The following SNAP23 variants were observed in gnomAD, a reference collection of about 807,000 sequenced individuals.
SNAP23 encodes synaptosomal-associated protein 23.
In SNAP23, 11 loss-of-function variants were observed where a neutral mutation model predicts 29.0. The ratio of observed to expected loss-of-function variants is 0.38; its 90% confidence interval spans 0.24 to 0.63. SNAP23 has a LOEUF of 0.63. SNAP23 is among the 20% of genes least tolerant of loss of function. SNAP23 has a pLI of 0.58. For synonymous variants in SNAP23, 60 were observed against 82.9 expected, an observed-to-expected ratio of 0.72 and a Z score of 1.50; for missense variants, 220 against 253.9, an observed-to-expected ratio of 0.87 and a Z score of 0.91.
In SNAP23 at chr15:42,532,349, T is replaced by C. The variant is rs1261867945; in HGVS notation, c.*871T>C. On this transcript the variant is annotated 3_prime_UTR_variant, in exon 8 of 8. Coordinates refer to ENST00000249647, the MANE Select transcript of SNAP23 (RefSeq NM_003825.4). ...ATCCACCCGCCTTGGCCTCCCAAAG[T>C]ACTGGGATTACAGGCGTGAGCCACT... is the stretch of plus-strand genomic sequence containing the variant. The C allele has an allele frequency of 1.3e-5, 2 of 152,238 alleles. No homozygotes were observed. Among genetic ancestry groups the C allele is most frequent in the African/African-American group, 4.8e-5 (2 of 41,452 alleles). 9.4% of individuals were successfully genotyped at this position (152,238 alleles called of 1,614,324 possible).
chr15:42,511,523 G>A (rs2057357823), intron 1 of SNAP23, among the ~76,000 whole-genome samples: 1 of 152,126 alleles, frequency 6.6e-6, no homozygotes, highest in Admixed American at 6.5e-5. Context: ...GTCTTTTAAT[G>A]CTTGTCTTCC....
chr15:42,515,378 T>C (rs950476975), intron 5 of SNAP23, 24 bp downstream of exon 5: 1 of 1,468,590 alleles, frequency 6.8e-7, no homozygotes, highest in African/African-American at 1.4e-5. Flanking sequence ...TTAAGATGGT[T>C]TCAAAATAAG....
intron 7 of SNAP23, among the ~76,000 whole-genome samples, chr15:42,530,373 A>G (rs1051899376): frequency 7.9e-5 from 12 of 152,212 alleles, no homozygotes; most frequent in Admixed American, 7.9e-4. Flanking sequence ...TGAGTGAAAG[A>G]AAGTTGTGAT....
intron 1 of SNAP23, among the ~76,000 whole-genome samples, chr15:42,502,608 C>G (rs1033358289): frequency 6.6e-6 from 1 of 152,178 alleles, no homozygotes; most frequent in Admixed American, 6.5e-5. Flanking sequence ...TTCATTCAGG[C>G]AGGGTGAATC....
Position 42,529,675 on chromosome 15 carries a change from C to T in SNAP23, c.426C>T (p.Arg142=). Residue 142 remains arginine, a splice_region_variant and synonymous_variant, in exon 7 of 8, where the codon CGC becomes CGT. Transcript: ENST00000249647. ...GGAATTAACTGTCTTCTTGTGATAG[C>T]ATAACTAATGATGCCAGAGAAGATG... ...TGAASGGYIK[R]ITNDAREDEM... is the part of the protein sequence containing the mutation. 1 of 1,613,006 alleles carries T rather than the reference C, an allele frequency of 6.2e-7. No homozygotes were observed. Among genetic ancestry groups the T allele is most frequent in the Non-Finnish European group, 8.5e-7 (1 of 1,179,616 alleles).
chr15:42,515,814 A>G (rs1330861307), intron 5 of SNAP23, among the ~76,000 whole-genome samples: 1 of 152,224 alleles, frequency 6.6e-6, no homozygotes, highest in Non-Finnish European at 1.5e-5. Context: ...GCTAAATCTA[A>G]TGTTAGATTA....
rs1430557182 is a variant in SNAP23, at chr15:42,532,470, ATTCAGGAACAC to A, written c.*995_*1005del. 1 of 152,280 alleles carries A rather than the reference ATTCAGGAACAC, an allele frequency of 6.6e-6. No homozygotes were observed. The highest frequency in any genetic ancestry group is 1.9e-4 in the East Asian group (1 of 5,202). 9.4% of individuals were successfully genotyped at this position (152,280 alleles called of 1,614,324 possible). ...CTGTGATCCCATTTCTTATTGCACC[ATTCAGGAACAC>A]TTTATATAAATGAGTGGCTTTTTAT... On this transcript the variant is annotated 3_prime_UTR_variant, in exon 8 of 8. Transcript: ENST00000249647.
chr15:42,498,109 C>A (rs2057238912), intron 1 of SNAP23, among the ~76,000 whole-genome samples: 1 of 152,210 alleles, frequency 6.6e-6, no homozygotes, highest in African/African-American at 2.4e-5. Context: ...GTGCCTGAGG[C>A]TTTTCCAGGT....
upstream of SNAP23, among the ~76,000 whole-genome samples, chr15:42,494,532 G>A (rs972909526): frequency 4.0e-5 from 6 of 150,450 alleles, no homozygotes; most frequent in Admixed American, 2.0e-4. Context: ...TTTTTGTAGG[G>A]GGGACGGAAT....
chr15:42,518,564 C>T (rs1343171607), intron 5 of SNAP23, among the ~76,000 whole-genome samples: 1 of 151,296 alleles, frequency 6.6e-6, no homozygotes, highest in Non-Finnish European at 1.5e-5. Flanking sequence ...GGATTACAGG[C>T]ACATGCCACC....
rs764799240 is a variant in SNAP23, at chr15:42,513,291, C to G, written c.100-108C>G. ...ACTAGTTCTGTCTGTAGCTCTAATC[C>G]TCTGAGAGCTTGGGTTTCTAAATTA... On this transcript the variant is annotated intron_variant, in intron 3 of 7. Coordinates refer to ENST00000249647, the MANE Select transcript of SNAP23 (RefSeq NM_003825.4). 6 of 998,970 alleles carry G rather than the reference C, an allele frequency of 6.0e-6. No homozygotes were observed. The South Asian group carries it at 7.7e-5, about 13-fold the overall frequency. 61.9% of individuals were successfully genotyped at this position (998,970 alleles called of 1,614,324 possible).
Position 42,515,298 on chromosome 15 carries a change from G to C in SNAP23, c.210G>C (p.Glu70Asp). The change falls in exon 5 of 8, where the codon GAG (glutamate) becomes GAC (aspartate). Residue 70 changes from glutamate to aspartate, a missense_variant. Transcript: ENST00000249647. ...DQINKDMRET[E>D]KTLTELNKCC... ...TAAATAAGGACATGAGAGAGACAGA[G>C]AAGACTTTAACAGAACTCAACAAAT... 1 of 1,612,946 alleles carries C rather than the reference G, an allele frequency of 6.2e-7. No homozygotes were observed. Among genetic ancestry groups the C allele is most frequent in the Non-Finnish European group, 8.5e-7 (1 of 1,179,526 alleles).
intron 1 of SNAP23, among the ~76,000 whole-genome samples, chr15:42,504,558 A>G (rs2057302346): frequency 6.6e-6 from 1 of 152,208 alleles, no homozygotes; most frequent in South Asian, 2.1e-4. Context: ...CCTACTATTT[A>G]TTTCCACTTC....
rs2057577814 is a variant in SNAP23 at position 42,532,647 on chromosome 15, A to G, written c.*1169A>G. The G allele has an allele frequency of 6.6e-6, 1 of 152,624 alleles. No individual in the cohort carries two copies. The highest frequency in any genetic ancestry group is 1.5e-5 in the Non-Finnish European group (1 of 68,036). The allele number at this position is 152,624 out of a possible 1,614,324, so 9.5% of individuals were successfully genotyped here. On this transcript the variant is annotated 3_prime_UTR_variant, in exon 8 of 8. Coordinates refer to ENST00000249647, the MANE Select transcript of SNAP23 (RefSeq NM_003825.4). Reference sequence around the variant, plus strand: ...TAAAGCAGGGCTTAAAATTTTTTGGAAAAGTTTGACAAAGCATACCACATG... The same window carrying G: ...TAAAGCAGGGCTTAAAATTTTTTGGGAAAGTTTGACAAAGCATACCACATG...
intron 5 of SNAP23, among the ~76,000 whole-genome samples, chr15:42,520,466 C>G (rs2057436757): frequency 6.6e-6 from 1 of 152,112 alleles, no homozygotes; most frequent in Admixed American, 6.5e-5. Flanking sequence ...TAGTAAACTG[C>G]TTGATGTCCC....
At chr15:42,497,783 C>T (rs1206635140) in intron 1 of SNAP23, among the ~76,000 whole-genome samples, 1 of 152,174 alleles carries the variant, frequency 6.6e-6, no homozygotes, top group Non-Finnish European at 1.5e-5. Flanking sequence ...AGGCAAGTCC[C>T]TTTTGCCTAG....
chr15:42,510,769 T>C (rs2057353117), intron 1 of SNAP23, among the ~76,000 whole-genome samples: 1 of 152,158 alleles, frequency 6.6e-6, no homozygotes. Flanking sequence ...TCACCTCAAA[T>C]TGACATTTTG....
At chr15:42,519,377 CTTT>C (rs767500493) in intron 5 of SNAP23, among the ~76,000 whole-genome samples, 1 of 139,042 alleles carries the variant, frequency 7.2e-6, no homozygotes, top group Non-Finnish European at 1.6e-5. Flanking sequence ...TTTTCTTTTT[CTTT>C]TTTTTTTTTG....
chr15:42,523,417 T>TA (rs1290509291), intron 5 of SNAP23, among the ~76,000 whole-genome samples: 2 of 152,228 alleles, frequency 1.3e-5, no homozygotes, highest in Non-Finnish European at 2.9e-5. Flanking sequence ...CTGGTCCTAG[T>TA]AATCTTTCAT....
Sources: allele counts gnomAD v4.1 joint callset (sites outside exome capture counted in the v4.1 genomes callset), GRCh38; gene constraint gnomAD v4.1.1; transcripts MANE v1.5; gene names NCBI Gene and HGNC (gene_info 2026-07-23, HGNC 2026-07-21).